The following LIPT1 variants were observed in gnomAD, a reference collection of about 807,000 sequenced individuals.
The protein encoded by LIPT1 is lipoyltransferase 1.
A neutral mutation model predicts 25.1 loss-of-function variants in LIPT1; 22 were observed. The ratio of observed to expected loss-of-function variants is 0.88; its 90% confidence interval spans 0.63 to 1.25. The LOEUF is 1.25. LIPT1 is among the 50% of genes most tolerant of loss of function. LIPT1 has a pLI of 0.00. For synonymous variants in LIPT1, 131 were observed against 150.8 expected (o/e 0.87, Z 0.96); for missense variants, 399 against 432.8 (o/e 0.92, Z 0.69).
intron 1 of LIPT1, chr2:99,155,408 G>A (rs1220063926): frequency 1.3e-5 from 6 of 450,688 alleles, no homozygotes; most frequent in Admixed American, 2.4e-5. Flanking sequence ...AAATAATAGG[G>A]TCTTGGCGAG....
rs1191961137 is a variant in LIPT1 at position 99,162,554 on chromosome 2, G to A, written c.597G>A (p.Gly199=). 1 of 1,614,152 alleles carries A rather than the reference G, an allele frequency of 6.2e-7. No homozygotes were observed. Among genetic ancestry groups the A allele is most frequent in the Admixed American group, 1.7e-5 (1 of 60,016 alleles). ...CTTTGCTAAAGAGCCCTTACCAAGGGATCAGGAGCAATGCCACTGCTAGCA... is the reference window on the plus strand; with the variant it reads ...CTTTGCTAAAGAGCCCTTACCAAGGAATCAGGAGCAATGCCACTGCTAGCA... ...LSSLLKSPYQ[G]IRSNATASIP... is the part of the protein sequence containing the mutation. The change falls in exon 2 of 2, where the codon GGG becomes GGA. Residue 199 remains glycine (G), a synonymous_variant. Coordinates refer to ENST00000651691, the MANE Select transcript of LIPT1 (RefSeq NM_145199.3).
At chr2:99,158,793 T>C (rs1020564953) in intron 1 of LIPT1, among the ~76,000 whole-genome samples, 2 of 152,252 alleles carry the variant, frequency 1.3e-5, no homozygotes, top group African/African-American at 4.8e-5. Flanking sequence ...GAGCATTAGA[T>C]GGCGCTCTAC....
chr2:99,155,459 G>T, intron 1 of LIPT1: 1 of 455,922 alleles, frequency 2.2e-6, no homozygotes, highest in South Asian at 1.5e-5. Context: ...AGATAGATGG[G>T]ATTGTGCTGT....
Position 99,154,969 on chromosome 2 carries a change from G to C in LIPT1, c.-84G>C. 1 of 455,746 alleles carries C rather than the reference G, an allele frequency of 2.2e-6. No individual in the cohort carries two copies. The highest frequency in any genetic ancestry group is 4.4e-6 in the Non-Finnish European group (1 of 226,628). The allele number at this position is 455,746 out of a possible 1,614,324, so 28.2% of individuals were successfully genotyped here. ...GGGGGCGGGGCAGCATCGCGCGCAA[G>C]GCCTGCCGGTTGCTCGGGGTCGTAT... On this transcript the variant is annotated 5_prime_UTR_variant, in exon 1 of 2. Coordinates refer to ENST00000651691, the MANE Select transcript of LIPT1 (RefSeq NM_145199.3).
At position 99,163,082 on chromosome 2, in the gene LIPT1, C is replaced by A; in HGVS notation, c.*3C>A. 5 of 1,521,584 alleles carry A rather than the reference C, an allele frequency of 3.3e-6. No homozygotes were observed. Among genetic ancestry groups the A allele is most frequent in the Non-Finnish European group, 2.6e-6 (3 of 1,132,258 alleles). 94.3% of individuals were successfully genotyped at this position (1,521,584 alleles called of 1,614,324 possible). A position where few individuals can be genotyped will look rare whatever the true frequency, so the allele number is the denominator to read the frequency against. On this transcript the variant is annotated 3_prime_UTR_variant, in exon 2 of 2. Transcript: ENST00000651691. ...AAAAAATTAAGGGAATAATGTGATTCCAAGTAAATGTCTTAATACAGTTTC... is the reference window on the plus strand; with the variant it reads ...AAAAAATTAAGGGAATAATGTGATTACAAGTAAATGTCTTAATACAGTTTC...
intron 1 of LIPT1, among the ~76,000 whole-genome samples, chr2:99,157,663 A>G (rs886901468): frequency 1.3e-5 from 2 of 152,154 alleles, no homozygotes; most frequent in Non-Finnish European, 2.9e-5. Context: ...AGCTTCCATA[A>G]TAGCATATTT....
intron 1 of LIPT1, chr2:99,155,608 T>A (rs1462289253): frequency 9.0e-6 from 4 of 445,744 alleles, no homozygotes; most frequent in Non-Finnish European, 1.3e-5. Flanking sequence ...AGTAGAAAGA[T>A]TCAAAGTGAT....
At chr2:99,160,341 G>A (rs2093778607) in intron 1 of LIPT1, among the ~76,000 whole-genome samples, 1 of 152,138 alleles carries the variant, frequency 6.6e-6, no homozygotes, top group South Asian at 2.1e-4. Flanking sequence ...CCAGGAGGTC[G>A]AGGCTGCAGT....
At chr2:99,156,298 T>C (rs918585695) in intron 1 of LIPT1, 2 of 152,214 alleles carry the variant, frequency 1.3e-5, no homozygotes, top group South Asian at 4.1e-4. Context: ...TTTTTTTTAA[T>C]AGACTGAATC....
rs1263245884 is a variant in LIPT1, at chr2:99,162,993, AAT to A, written c.1041_1042del (p.Leu348ThrfsTer2). 1 of 1,613,250 alleles carries A rather than the reference AAT, an allele frequency of 6.2e-7. No homozygotes were observed. Among genetic ancestry groups the A allele is most frequent in the East Asian group, 2.2e-5 (1 of 44,832 alleles). ...CCCAACTGAAACTACCATGCTAACA[AAT>A]ATATTACTTAGAACATGTCCACAAG... ...FCPTETTMLT[N>X]ILLRTCPQDH... On this transcript the variant is annotated frameshift_variant, in exon 2 of 2. Transcript: ENST00000651691. LOFTEE classifies it high-confidence loss of function.
Position 99,162,174 on chromosome 2 carries a change from G to A in LIPT1, c.217G>A (p.Val73Ile), listed in dbSNP as rs958195362. Residue 73 changes from valine (V) to isoleucine (I), a missense_variant, in exon 2 of 2, where the codon GTA becomes ATA. Physicochemically the swap from Val to Ile is conservative, Grantham distance 29. Coordinates refer to ENST00000651691, the MANE Select transcript of LIPT1 (RefSeq NM_145199.3). ...LFFWQNSPSV[V>I]IGRHQNPWQE... is the part of the protein sequence containing the mutation. ...CTTTTGGCAGAATTCTCCCTCTGTTGTAATTGGTAGGCATCAAAATCCTTG... is the reference window on the plus strand; with the variant it reads ...CTTTTGGCAGAATTCTCCCTCTGTTATAATTGGTAGGCATCAAAATCCTTG... 5 of 1,613,934 alleles carry A rather than the reference G, an allele frequency of 3.1e-6. No individual in the cohort carries two copies. The African/African-American group carries it at 6.7e-5, about 22-fold the overall frequency.
chr2:99,159,202 T>A (rs1034882506), intron 1 of LIPT1, among the ~76,000 whole-genome samples: 5 of 150,312 alleles, frequency 3.3e-5, no homozygotes, highest in Non-Finnish European at 5.9e-5. Context: ...CTGCTGGTAC[T>A]ACAGGCACCT....
chr2:99,162,133 G>C lies in LIPT1; in HGVS notation c.176G>C (p.Gly59Ala). Residue 59 changes from glycine to alanine, a missense_variant, in exon 2 of 2, where the codon GGC becomes GCC. Gly to Ala is a moderately conservative substitution (Grantham distance 60). Coordinates refer to ENST00000651691, the MANE Select transcript of LIPT1 (RefSeq NM_145199.3). ...ATCCATGACCATATGAATCTAGAAG[G>C]CAAACCAATTCTATTCTTTTGGCAG... ...DWIHDHMNLE[G>A]KPILFFWQNS... 1 of 1,614,054 alleles carries C rather than the reference G, an allele frequency of 6.2e-7. No individual in the cohort carries two copies. Among genetic ancestry groups the C allele is most frequent in the Non-Finnish European group, 8.5e-7 (1 of 1,179,972 alleles).
At chr2:99,161,702 T>C in intron 1 of LIPT1, 1 of 373,158 alleles carries the variant, frequency 2.7e-6, no homozygotes, top group South Asian at 5.7e-5. Context: ...TATTACATAA[T>C]GTATTTGCAG....
At position 99,162,207 on chromosome 2, in the gene LIPT1, T is replaced by C. The variant is rs766214521; in HGVS notation, c.250T>C (p.Cys84Arg). Reference sequence around the variant, plus strand: ...TAGGCATCAAAATCCTTGGCAGGAATGTAACCTGAATCTAATGAGAGAAGA... The same window carrying C: ...TAGGCATCAAAATCCTTGGCAGGAACGTAACCTGAATCTAATGAGAGAAGA... Reference protein sequence around the residue: ...IGRHQNPWQECNLNLMREEGI... With the variant: ...IGRHQNPWQERNLNLMREEGI... Residue 84 changes from cysteine (C) to arginine (R), a missense_variant, in exon 2 of 2, where the codon TGT (cysteine) becomes CGT (arginine). Transcript: ENST00000651691. 2 of 1,614,092 alleles carry C rather than the reference T, an allele frequency of 1.2e-6. No homozygotes were observed. Among genetic ancestry groups the C allele is most frequent in the East Asian group, 4.5e-5 (2 of 44,874 alleles).
intron 1 of LIPT1, among the ~76,000 whole-genome samples, chr2:99,160,977 T>G (rs1299418935): frequency 6.6e-6 from 1 of 151,942 alleles, no homozygotes; most frequent in East Asian, 1.9e-4. Context: ...CAAAATAGAT[T>G]TAATGGGCCA....
intron 1 of LIPT1, among the ~76,000 whole-genome samples, chr2:99,159,074 G>A (rs1280827180): frequency 2.0e-5 from 3 of 151,306 alleles, no homozygotes; most frequent in South Asian, 2.1e-4. Context: ...GACTACAGGC[G>A]CCCGCCACCA....
chr2:99,159,786 C>T (rs1224205875), intron 1 of LIPT1, among the ~76,000 whole-genome samples: 1 of 152,106 alleles, frequency 6.6e-6, no homozygotes, highest in Non-Finnish European at 1.5e-5. Flanking sequence ...TGCGAGGCTT[C>T]CTAGGACAGT....
intron 1 of LIPT1, chr2:99,156,687 T>C (rs1017136385): frequency 1.3e-5 from 2 of 152,248 alleles, no homozygotes; most frequent in African/African-American, 2.4e-5. Flanking sequence ...ATACCTTTGT[T>C]GTGTTTTATT....
Sources: gnomAD v4.1 joint callset for allele counts (sites outside exome capture counted in the v4.1 genomes callset) on GRCh38, gnomAD v4.1.1 for gene constraint, MANE v1.5 for transcripts, NCBI Gene and HGNC (gene_info 2026-07-23, HGNC 2026-07-21) for gene names.